The following STK32B variants were observed in gnomAD, a reference collection of about 807,000 sequenced individuals.
The protein encoded by STK32B is serine/threonine-protein kinase 32B.
A neutral mutation model predicts 52.6 loss-of-function variants in STK32B; 43 were observed. The ratio of observed to expected loss-of-function variants is 0.82; its 90% CI spans 0.64 to 1.05. The LOEUF (loss-of-function observed/expected upper bound fraction) is 1.05, where lower values mean the gene tolerates loss of function less well. STK32B is among the 50% of genes least tolerant of loss of function. STK32B has a pLI of 0.00. For synonymous variants in STK32B, 238 were observed against 204.3 expected (o/e 1.17, Z -1.41); for missense variants, 621 against 534.6 (o/e 1.16, Z -1.59).
intron 6 of STK32B, among the ~76,000 whole-genome samples, chr4:5,428,828 C>G (rs1223843571): frequency 6.6e-6 from 1 of 152,122 alleles, no homozygotes; most frequent in Non-Finnish European, 1.5e-5. Flanking sequence ...TGATAAATTG[C>G]CCCATTTATC....
chr4:5,450,248 T>C (rs1008321522), intron 7 of STK32B, among the ~76,000 whole-genome samples: 1 of 152,170 alleles, frequency 6.6e-6, no homozygotes, highest in Non-Finnish European at 1.5e-5. Flanking sequence ...CAGAATTCCT[T>C]TTGGTGCCCC....
intron 1 of STK32B, among the ~76,000 whole-genome samples, chr4:5,054,104 C>G (rs1288599928): frequency 6.6e-6 from 1 of 152,184 alleles, no homozygotes; most frequent in East Asian, 1.9e-4. Flanking sequence ...TCACACGTTT[C>G]CTAGTACAGG....
Position 5,139,892 on chromosome 4 carries a change from T to A in STK32B, c.53-13T>A. 17 of 1,614,206 alleles carry A rather than the reference T, an allele frequency of 1.1e-5. No individual in the cohort carries two copies. The highest frequency in any genetic ancestry group is 1.4e-5 in the Non-Finnish European group (17 of 1,180,022). Reference sequence around the variant, plus strand: ...CAAATCTGACTTGTTTCCTTTTTTGTTTTCTTTTGCAGTCAACTTTGACCA... The same window carrying A: ...CAAATCTGACTTGTTTCCTTTTTTGATTTCTTTTGCAGTCAACTTTGACCA... On this transcript the variant is annotated splice_polypyrimidine_tract_variant and intron_variant, in intron 1 of 11. Transcript: ENST00000282908.
intron 3 of STK32B, among the ~76,000 whole-genome samples, chr4:5,283,051 C>G (rs1256404362): frequency 6.6e-6 from 1 of 152,074 alleles, no homozygotes; most frequent in Non-Finnish European, 1.5e-5. Flanking sequence ...ACTTCATACC[C>G]TTACATGAAC....
intron 3 of STK32B, among the ~76,000 whole-genome samples, chr4:5,247,979 G>T (rs1326846199): frequency 3.3e-5 from 5 of 152,066 alleles, no homozygotes; most frequent in African/African-American, 1.2e-4. Context: ...CAGCAAGTCT[G>T]CTCAGGGCAG....
chr4:5,183,173 T>C (rs1399568235), intron 3 of STK32B, among the ~76,000 whole-genome samples: 1 of 152,092 alleles, frequency 6.6e-6, no homozygotes, highest in Non-Finnish European at 1.5e-5. Context: ...GGCCTGTTTT[T>C]TGAAGCTTTA....
intron 6 of STK32B, chr4:5,435,792 T>A (rs1485069964): frequency 3.3e-5 from 5 of 151,966 alleles, no homozygotes; most frequent in African/African-American, 1.2e-4. Context: ...TAAGCAAAAA[T>A]GCATGAGGAG....
At chr4:5,116,160 A>G (rs560131716) in intron 1 of STK32B, among the ~76,000 whole-genome samples, 1 of 151,428 alleles carries the variant, frequency 6.6e-6, no homozygotes, top group East Asian at 2.0e-4. Context: ...CTATATGCTC[A>G]CTCAGATGTG....
At chr4:5,264,519 G>T (rs1484242092) in intron 3 of STK32B, among the ~76,000 whole-genome samples, 8 of 152,032 alleles carry the variant, frequency 5.3e-5, no homozygotes, top group African/African-American at 1.9e-4. Context: ...GGGCGCGGTG[G>T]CTCACGCCTG....
chr4:5,427,749 C>T lies in STK32B; in HGVS notation c.562+10815C>T, dbSNP rs545158527. Among the ~76,000 whole-genome samples, 15 of 152,122 alleles carry T rather than the reference C, an allele frequency of 9.9e-5. No individual in the cohort carries two copies. In the East Asian group the frequency reaches 2.7e-3, roughly 27 times the overall value. ...GAGTGTAAATTCTGTAGTGATGTCCCCTCTTTCAGTCCTGAATTGGTAATT... is the reference window on the plus strand; with the variant it reads ...GAGTGTAAATTCTGTAGTGATGTCCTCTCTTTCAGTCCTGAATTGGTAATT... On this transcript the variant is annotated intron_variant, in intron 6 of 11. Transcript: ENST00000282908.
chr4:5,397,796 C>T (rs921831131), intron 4 of STK32B, among the ~76,000 whole-genome samples: 27 of 152,246 alleles, frequency 1.8e-4, no homozygotes, highest in African/African-American at 6.3e-4. Flanking sequence ...TGACAACTTC[C>T]AAACCCTCAT....
the STK32B span, among the ~76,000 whole-genome samples, chr4:5,038,275 A>G: frequency 6.6e-6 from 1 of 152,198 alleles, no homozygotes; most frequent in African/African-American, 2.4e-5. Flanking sequence ...GACGATGACA[A>G]TGATGACCTT....
chr4:5,435,103 G>T (rs141419029), intron 6 of STK32B, among the ~76,000 whole-genome samples: 1 of 152,190 alleles, frequency 6.6e-6, no homozygotes, highest in Non-Finnish European at 1.5e-5. Context: ...AGCCCTGCAC[G>T]AATGCTGTGG....
chr4:5,362,847 T>A (rs1734637195), intron 4 of STK32B, among the ~76,000 whole-genome samples: 1 of 152,224 alleles, frequency 6.6e-6, no homozygotes. Context: ...ACCAGGCACA[T>A]GACTAGTATA....
chr4:5,381,256 C>T (rs1358720067), intron 4 of STK32B, among the ~76,000 whole-genome samples: 2 of 152,156 alleles, frequency 1.3e-5, no homozygotes, highest in Non-Finnish European at 2.9e-5. Context: ...AGTTCTACAC[C>T]TCAAGGAAGA....
intron 4 of STK32B, among the ~76,000 whole-genome samples, chr4:5,373,821 T>C (rs1052308303): frequency 6.6e-5 from 10 of 152,230 alleles, no homozygotes; most frequent in Admixed American, 1.3e-4. Flanking sequence ...GGGTCCCCCA[T>C]GATCATGCTT....
intron 11 of STK32B, among the ~76,000 whole-genome samples, chr4:5,483,934 T>A (rs564044780): frequency 9.0e-4 from 137 of 152,322 alleles, no homozygotes; most frequent in African/African-American, 3.2e-3. Flanking sequence ...CTAGTTTGAT[T>A]GCACTGTGGT....
intron 3 of STK32B, among the ~76,000 whole-genome samples, chr4:5,253,522 G>C (rs957909593): frequency 6.6e-6 from 1 of 152,038 alleles, no homozygotes; most frequent in Non-Finnish European, 1.5e-5. Context: ...TTACAGGTGC[G>C]TGCCACTACT....
intron 3 of STK32B, among the ~76,000 whole-genome samples, chr4:5,267,588 G>A (rs931078152): frequency 7.2e-5 from 11 of 152,152 alleles, no homozygotes; most frequent in Non-Finnish European, 1.0e-4. Flanking sequence ...CCAGGGTCGC[G>A]CAGCAAGTCT....
Sources: gnomAD v4.1 joint callset for allele counts (sites outside exome capture counted in the v4.1 genomes callset) on GRCh38, gnomAD v4.1.1 for gene constraint, MANE v1.5 for transcripts, NCBI Gene and HGNC (gene_info 2026-07-23, HGNC 2026-07-21) for gene names.